Variants in NPAS2 observed in about 807,000 individuals in gnomAD.
NPAS2 encodes the protein neuronal PAS domain-containing protein 2.
In NPAS2, 23 loss-of-function variants were observed where a neutral mutation model predicts 107.5. That is an observed-to-expected ratio of 0.21 (90% CI 0.15 to 0.30). The LOEUF is 0.30. Ranked by LOEUF, NPAS2 falls within the 10% of genes least tolerant of loss-of-function variation. The pLI is 1.00. For missense variants in NPAS2, 756 were observed against 1,043.3 expected, an observed-to-expected ratio of 0.72 and a Z score of 3.79; for synonymous variants, 403 against 417.5, an observed-to-expected ratio of 0.97 and a Z score of 0.42.
At position 100,826,258 on chromosome 2, in the gene NPAS2, A is replaced by G. The variant is rs77324460; in HGVS notation, c.-23+5844A>G. On this transcript the variant is annotated intron_variant, in intron 1 of 20. Transcript: ENST00000335681. ...GGAGTTCGAGACAATCCTGGCCAAC[A>G]TGGTGAAACCCTGTCTCTACTAAAA... 3.9e-3 allele frequency among the ~76,000 whole-genome samples: 593 copies of G among 152,308 alleles called. 21 individuals are homozygous for G. In the East Asian group the frequency reaches 0.097, roughly 25 times the overall value.
At chr2:100,937,258 A>C (rs1160860486) in intron 4 of NPAS2, among the ~76,000 whole-genome samples, 1 of 152,114 alleles carries the variant, frequency 6.6e-6, no homozygotes. Context: ...TGTGGCAATG[A>C]ATGTGAGCAG....
chr2:100,863,832 T>C (rs1679085773), intron 1 of NPAS2, among the ~76,000 whole-genome samples: 1 of 152,210 alleles, frequency 6.6e-6, no homozygotes, highest in Admixed American at 6.5e-5. Context: ...CTCCTTGCAT[T>C]CCACTTTGTA....
chr2:100,901,822 CT>C (rs1014039169), intron 1 of NPAS2, among the ~76,000 whole-genome samples: 16 of 152,088 alleles, frequency 1.1e-4, no homozygotes, highest in African/African-American at 2.4e-4. Context: ...AAGAGCCCCC[CT>C]GTAAGTCAGC....
chr2:100,839,888 G>A (rs550320781), intron 1 of NPAS2, among the ~76,000 whole-genome samples: 22 of 152,062 alleles, frequency 1.4e-4, no homozygotes, highest in Non-Finnish European at 2.6e-4. Flanking sequence ...TCTTAGAACC[G>A]TAAACAGCTA....
chr2:100,877,960 G>A (rs1386366161), intron 1 of NPAS2: 1 of 985,114 alleles, frequency 1.0e-6, no homozygotes, highest in Non-Finnish European at 1.2e-6. Context: ...CATAAAAAGT[G>A]CTGGAAACTT....
chr2:100,970,423 C>T (rs962389531), intron 11 of NPAS2, among the ~76,000 whole-genome samples: 2 of 152,236 alleles, frequency 1.3e-5, no homozygotes, highest in Non-Finnish European at 2.9e-5. Flanking sequence ...TCTCCACACT[C>T]GGGGCAGAGG....
In NPAS2 at chr2:100,937,820, C is replaced by T. The variant is rs780487648; in HGVS notation, c.341C>T (p.Thr114Met). The change falls in exon 5 of 21, where the codon ACG becomes ATG. Residue 114 changes from threonine to methionine, a missense_variant. Transcript: ENST00000335681. ...GSIIYVSDSITPLLGHLPSDV... is the reference protein window; with the variant it reads ...GSIIYVSDSIMPLLGHLPSDV... ...ATCATCTATGTCTCTGACAGTATCA[C>T]GCCTCTCCTTGGGCATTTACCGGTG... 32 of 1,613,736 alleles carry T rather than the reference C, an allele frequency of 2.0e-5. No individual in the cohort carries two copies. Among genetic ancestry groups the T allele is most frequent in the Non-Finnish European group, 2.5e-5 (30 of 1,179,746 alleles).
intron 10 of NPAS2, among the ~76,000 whole-genome samples, chr2:100,966,712 G>A (rs1676237900): frequency 6.6e-6 from 1 of 150,772 alleles, no homozygotes; most frequent in African/African-American, 2.5e-5. Flanking sequence ...TCCCACCTCA[G>A]CCTCTAGAGT....
intron 1 of NPAS2, among the ~76,000 whole-genome samples, chr2:100,867,536 G>A (rs1315757752): frequency 6.6e-6 from 1 of 152,052 alleles, no homozygotes; most frequent in Non-Finnish European, 1.5e-5. Flanking sequence ...TATTTACCTG[G>A]TATTTGTTTT....
At chr2:100,854,084 A>G (rs1678399704) in intron 1 of NPAS2, among the ~76,000 whole-genome samples, 1 of 150,158 alleles carries the variant, frequency 6.7e-6, no homozygotes, top group African/African-American at 2.5e-5. Context: ...TGGGAGGTCA[A>G]GGCTGCAGTG....
At position 100,925,176 on chromosome 2, in the gene NPAS2, T is replaced by C. The variant is rs1398280877; in HGVS notation, c.63T>C (p.Arg21=). The C allele has an allele frequency of 6.2e-7, 1 of 1,613,940 alleles. No individual in the cohort carries two copies. The highest frequency in any genetic ancestry group is 2.2e-5 in the East Asian group (1 of 44,872). Residue 21 remains arginine, a synonymous_variant, in exon 3 of 21, where the codon CGT becomes CGC. Coordinates refer to ENST00000335681, the MANE Select transcript of NPAS2 (RefSeq NM_002518.4). ...RASRNKSEKK[R]RDQFNVLIKE... ...CTCGAAACAAGTCTGAGAAGAAGCG[T>C]CGGGACCAGTTCAATGTTCTCATCA... is the stretch of plus-strand genomic sequence containing the variant.
chr2:100,832,624 C>T, intron 1 of NPAS2, among the ~76,000 whole-genome samples: 1 of 152,150 alleles, frequency 6.6e-6, no homozygotes, highest in East Asian at 1.9e-4. Flanking sequence ...TCTCGCCATG[C>T]CTGGTCTAGT....
At position 100,995,823 on chromosome 2, in the gene NPAS2, T is replaced by G. The variant is rs1338171036; in HGVS notation, c.*241T>G. On this transcript the variant is annotated 3_prime_UTR_variant, in exon 21 of 21. Coordinates refer to ENST00000335681, the MANE Select transcript of NPAS2 (RefSeq NM_002518.4). ...TCTTGGGCACACTCTATAGCCATAC[T>G]GGACAGGAACCAGGTGCCCCGTGTA... 7.2e-6 allele frequency: 11 copies of G among 1,537,098 alleles called. No individual in the cohort carries two copies. The highest frequency in any genetic ancestry group is 9.7e-6 in the Non-Finnish European group (11 of 1,138,762).
chr2:100,960,773 G>T (rs1675871337), intron 7 of NPAS2, among the ~76,000 whole-genome samples: 1 of 152,136 alleles, frequency 6.6e-6, no homozygotes, highest in African/African-American at 2.4e-5. Flanking sequence ...TGTGCTAGTT[G>T]CTGGCAAGGA....
chr2:100,996,473 G>A lies in NPAS2; in HGVS notation c.*891G>A, dbSNP rs1189599308. 1 of 152,678 alleles carries A rather than the reference G, an allele frequency of 6.5e-6. No individual in the cohort carries two copies. Among genetic ancestry groups the A allele is most frequent in the East Asian group, 1.9e-4 (1 of 5,202 alleles). 9.5% of individuals were successfully genotyped at this position (152,678 alleles called of 1,614,324 possible). A position where few individuals can be genotyped will look rare whatever the true frequency, so the allele number is the denominator to read the frequency against. On this transcript the variant is annotated 3_prime_UTR_variant, in exon 21 of 21. Coordinates refer to ENST00000335681, the MANE Select transcript of NPAS2 (RefSeq NM_002518.4). ...CCTGGGGGACTGCAGTCCCCAAGGA[G>A]ACCCTGCCACATGCTGGCCCTTTGA...
intron 5 of NPAS2, among the ~76,000 whole-genome samples, chr2:100,942,302 T>G (rs1674622141): frequency 6.6e-6 from 1 of 152,176 alleles, no homozygotes; most frequent in Non-Finnish European, 1.5e-5. Context: ...TGGCCTGTGT[T>G]AACACAAAAC....
intron 1 of NPAS2, among the ~76,000 whole-genome samples, chr2:100,851,323 C>A (rs1470236379): frequency 1.3e-5 from 2 of 152,178 alleles, no homozygotes. Context: ...TTTTAAAAAT[C>A]AAAAATCCTG....
At chr2:100,864,871 A>G (rs76510652) in intron 1 of NPAS2, among the ~76,000 whole-genome samples, 3,079 of 152,324 alleles carry the variant, frequency 0.02, 109 homozygotes, top group African/African-American at 0.069. Context: ...ACATTTAAAA[A>G]TGTTTATTAA....
chr2:100,935,736 A>G (rs975257866), intron 4 of NPAS2, among the ~76,000 whole-genome samples: 4 of 152,156 alleles, frequency 2.6e-5, no homozygotes, highest in African/African-American at 9.7e-5. Context: ...GATGTCATCA[A>G]CAGTGCCCTT....
Sources: allele counts gnomAD v4.1 joint callset (sites outside exome capture counted in the v4.1 genomes callset), GRCh38; gene constraint gnomAD v4.1.1; transcripts MANE v1.5; gene names NCBI Gene and HGNC (gene_info 2026-07-23, HGNC 2026-07-21).